Variants in PARD3 observed in about 807,000 individuals in gnomAD.
The protein encoded by PARD3 is par-3 family cell polarity regulator.
PARD3 carries 75 observed loss-of-function variants against 155.4 expected under a neutral mutation model. The ratio of observed to expected loss-of-function variants is 0.48; its 90% CI spans 0.40 to 0.58. The LOEUF is 0.58. PARD3 is among the 20% of genes least tolerant of loss of function. The pLI is 0.00. For missense variants in PARD3, 1,642 were observed against 1,721.7 expected (o/e 0.95, Z 0.82); for synonymous variants, 576 against 610.5 (o/e 0.94, Z 0.83).
At chr10:34,714,775 AT>A (rs35679032) in intron 1 of PARD3, among the ~76,000 whole-genome samples, 44,303 of 144,236 alleles carry the variant, frequency 0.31, 6,977 homozygotes, top group Non-Finnish European at 0.38. Flanking sequence ...ACACATCAAA[AT>A]TTTTTTTTTT....
At chr10:34,307,185 C>T (rs933640948) in intron 20 of PARD3, among the ~76,000 whole-genome samples, 3 of 152,106 alleles carry the variant, frequency 2.0e-5, no homozygotes, top group Admixed American at 6.5e-5. Flanking sequence ...CCACCGCACC[C>T]GGCTCAAAAG....
chr10:34,585,572 A>G (rs2087944382), intron 2 of PARD3, among the ~76,000 whole-genome samples: 1 of 147,118 alleles, frequency 6.8e-6, no homozygotes, highest in Admixed American at 6.9e-5. Context: ...AAAACTCTGG[A>G]AATCTACAGA....
At chr10:34,198,002 C>T (rs1313098773) in intron 22 of PARD3, among the ~76,000 whole-genome samples, 1 of 152,188 alleles carries the variant, frequency 6.6e-6, no homozygotes, top group Admixed American at 6.5e-5. Flanking sequence ...TCCCAAAATG[C>T]AGGCATGAGC....
At chr10:34,776,836 G>GT (rs1839600683) in intron 1 of PARD3, among the ~76,000 whole-genome samples, 1 of 7,892 alleles carries the variant, frequency 1.3e-4, no homozygotes, top group South Asian at 2.7e-3. Context: ...GTTTTTTTGT[G>GT]GGGGGGGGGG....
At chr10:34,631,429 A>T (rs537231711) in intron 2 of PARD3, among the ~76,000 whole-genome samples, 15 of 152,190 alleles carry the variant, frequency 9.9e-5, no homozygotes, top group South Asian at 2.1e-4. Context: ...GGCAGTGATT[A>T]AGAGGTGGTA....
intron 12 of PARD3, among the ~76,000 whole-genome samples, chr10:34,365,719 T>C (rs575405488): frequency 1.3e-5 from 2 of 152,174 alleles, no homozygotes; most frequent in East Asian, 3.9e-4. Context: ...TCCCAAGCAG[T>C]TGGGACTAAA....
chr10:34,558,096 T>C (rs573387036), intron 2 of PARD3, among the ~76,000 whole-genome samples: 3 of 152,280 alleles, frequency 2.0e-5, no homozygotes, highest in South Asian at 4.1e-4. Context: ...CCCACACTCC[T>C]CTACAGAATA....
At chr10:34,626,899 G>A (rs915485051) in intron 2 of PARD3, among the ~76,000 whole-genome samples, 3 of 152,124 alleles carry the variant, frequency 2.0e-5, no homozygotes, top group Admixed American at 1.3e-4. Context: ...AAGCCCAGGC[G>A]ATCGTGTTCC....
intron 2 of PARD3, among the ~76,000 whole-genome samples, chr10:34,630,397 A>G (rs536700931): frequency 6.6e-6 from 1 of 151,568 alleles, no homozygotes; most frequent in Non-Finnish European, 1.5e-5. Context: ...TATGGCCACA[A>G]GTCCCGACCA....
intron 2 of PARD3, among the ~76,000 whole-genome samples, chr10:34,581,910 C>T (rs143677359): frequency 1.0e-3 from 159 of 152,320 alleles, no homozygotes; most frequent in African/African-American, 3.5e-3. Flanking sequence ...AACTGAAACA[C>T]GCATGAGTTG....
intron 22 of PARD3, among the ~76,000 whole-genome samples, chr10:34,226,330 A>G (rs540124624): frequency 2.9e-4 from 44 of 152,308 alleles, no homozygotes; most frequent in African/African-American, 9.1e-4. Flanking sequence ...CGGGTGGATC[A>G]CTTAAGGTCA....
chr10:34,442,005 A>G (rs2076488257), intron 5 of PARD3, among the ~76,000 whole-genome samples: 1 of 152,202 alleles, frequency 6.6e-6, no homozygotes. Context: ...TTTTAAAACA[A>G]TCTTGATGTT....
chr10:34,375,090 ACACACT>A, intron 10 of PARD3, 88 bp from the exon 11 acceptor site: 2 of 944,004 alleles, frequency 2.1e-6, no homozygotes, highest in Non-Finnish European at 3.2e-6. Context: ...ACACACACAC[ACACACT>A]CTAGGACTAG....
chr10:34,246,854 C>T (rs765759381), intron 22 of PARD3, among the ~76,000 whole-genome samples: 5 of 151,996 alleles, frequency 3.3e-5, no homozygotes, highest in Non-Finnish European at 7.4e-5. Flanking sequence ...GGTCTAAAAG[C>T]GATTAAAAGG....
intron 22 of PARD3, among the ~76,000 whole-genome samples, chr10:34,168,543 G>A (rs942770265): frequency 3.9e-5 from 6 of 152,154 alleles, no homozygotes; most frequent in Non-Finnish European, 8.8e-5. Flanking sequence ...AGACACTGGT[G>A]GGTCTCTCTA....
intron 5 of PARD3, among the ~76,000 whole-genome samples, chr10:34,406,634 A>C (rs7894258): frequency 0.58 from 88,511 of 151,920 alleles, 28,000 homozygotes; most frequent in African/African-American, 0.85. Flanking sequence ...CTCAAACAAT[A>C]CTCCAGCCTA....
intron 22 of PARD3, among the ~76,000 whole-genome samples, chr10:34,190,557 T>C (rs563069033): frequency 6.6e-6 from 1 of 152,236 alleles, no homozygotes; most frequent in East Asian, 1.9e-4. Flanking sequence ...TTTAAGAGTG[T>C]AAAGGGATCC....
chr10:34,425,515 C>T (rs1428159499), intron 5 of PARD3, among the ~76,000 whole-genome samples: 2 of 152,170 alleles, frequency 1.3e-5, no homozygotes, highest in African/African-American at 4.8e-5. Context: ...CTCACTTCAG[C>T]CTTCCTAGCA....
chr10:34,679,865 C>T (rs1458016106), intron 2 of PARD3, among the ~76,000 whole-genome samples: 1 of 152,116 alleles, frequency 6.6e-6, no homozygotes, highest in Non-Finnish European at 1.5e-5. Flanking sequence ...GTTTCACTTA[C>T]AAGTGGAAGC....
Sources: gnomAD v4.1 joint callset for allele counts (sites outside exome capture counted in the v4.1 genomes callset) on GRCh38, gnomAD v4.1.1 for gene constraint, MANE v1.5 for transcripts, NCBI Gene and HGNC (gene_info 2026-07-23, HGNC 2026-07-21) for gene names.